TXNRD1: variants seen among roughly 807,000 people sequenced by gnomAD.
TXNRD1 encodes the protein thioredoxin reductase 1, also known as thioredoxin reductase 1, cytoplasmic.
Under a neutral mutation model 80.3 loss-of-function variants are expected in TXNRD1, and 57 were observed. The ratio of observed to expected loss-of-function variants is 0.71; its 90% CI spans 0.57 to 0.89. TXNRD1 has a LOEUF of 0.89. Among genes scored for constraint, TXNRD1 ranks in the 40% least tolerant of loss-of-function variants. The pLI, the probability that TXNRD1 is intolerant of heterozygous loss-of-function variation, is 0.00. For missense variants in TXNRD1, 730 were observed against 803.0 expected (o/e 0.91, Z 1.10); for synonymous variants, 291 against 285.2 (o/e 1.02, Z -0.20).
intron 13 of TXNRD1, among the ~76,000 whole-genome samples, chr12:104,330,249 G>A (rs866427947): frequency 1.1e-4 from 17 of 152,102 alleles, no homozygotes; most frequent in Non-Finnish European, 2.4e-4. Flanking sequence ...ACTTTGGATC[G>A]CCTCTGTGTA....
Position 104,273,390 on chromosome 12 carries a change from C to G in TXNRD1, c.304+15311C>G, listed in dbSNP as rs549801137. Among the ~76,000 whole-genome samples, 6 of 152,218 alleles carry G rather than the reference C, an allele frequency of 3.9e-5. No homozygotes were observed. The South Asian group carries it at 1.2e-3, about 32-fold the overall frequency. ...TGGGTGGATCACAAGGTCAGGAGTT[C>G]GAGACCAGCCTGGCCAACGTAGTGA... On this transcript the variant is annotated intron_variant, in intron 3 of 16. Coordinates refer to ENST00000525566, the MANE Select transcript of TXNRD1 (RefSeq NM_001093771.3).
intron 10 of TXNRD1, among the ~76,000 whole-genome samples, chr12:104,323,585 A>C (rs1161134074): frequency 2.7e-3 from 130 of 47,398 alleles, no homozygotes; most frequent in African/African-American, 3.4e-3. Flanking sequence ...GGGGGCTGAC[A>C]CCCCCACCTC....
chr12:104,305,973 G>GGCCCACTGCAACCTCT lies in TXNRD1; in HGVS notation c.415-5313_415-5298dup, dbSNP rs1222282392. ...GGCTGGGGTGCAGTGGTGCAATCTC[G>GGCCCACTGCAACCTCT]GCCCACTGCAACCTCTGCCTGCGGG... is the stretch of plus-strand genomic sequence containing the variant. On this transcript the variant is annotated intron_variant, in intron 4 of 16. Transcript: ENST00000525566. 6.6e-5 allele frequency among the ~76,000 whole-genome samples: 10 copies of GGCCCACTGCAACCTCT among 151,940 alleles called. No homozygotes were observed. The East Asian group carries it at 1.9e-3, about 29-fold the overall frequency.
At chr12:104,312,760 C>G (rs918409662) in intron 5 of TXNRD1, among the ~76,000 whole-genome samples, 10 of 152,106 alleles carry the variant, frequency 6.6e-5, no homozygotes, top group Non-Finnish European at 1.5e-5. Context: ...TCTTGTAATA[C>G]AGAAGAAAAA....
chr12:104,323,207 C>A (rs2135837706), intron 10 of TXNRD1, among the ~76,000 whole-genome samples: 1 of 139,070 alleles, frequency 7.2e-6, no homozygotes, highest in South Asian at 2.5e-4. Flanking sequence ...CTACTTCTTT[C>A]TACACAGACA....
intron 4 of TXNRD1, among the ~76,000 whole-genome samples, chr12:104,300,965 G>A (rs1593784230): frequency 1.3e-5 from 2 of 152,146 alleles, no homozygotes; most frequent in Non-Finnish European, 2.9e-5. Flanking sequence ...ATTTTTAAAG[G>A]TGGAACATAA....
chr12:104,315,951 A>G, intron 7 of TXNRD1, 55 bp downstream of exon 7: 3 of 1,556,018 alleles, frequency 1.9e-6, no homozygotes, highest in Non-Finnish European at 2.6e-6. Context: ...TTGAGCTGCA[A>G]TTTTTGTGAT....
At chr12:104,323,734 C>T (rs1389435024) in intron 10 of TXNRD1, among the ~76,000 whole-genome samples, 1 of 138,938 alleles carries the variant, frequency 7.2e-6, no homozygotes, top group Non-Finnish European at 1.6e-5. Flanking sequence ...AGGGGCTCCT[C>T]ACTTCCCAGT....
At chr12:104,300,826 A>G (rs2034597147) in intron 4 of TXNRD1, among the ~76,000 whole-genome samples, 1 of 152,146 alleles carries the variant, frequency 6.6e-6, no homozygotes, top group African/African-American at 2.4e-5. Context: ...TTCTATTTTT[A>G]GTAGAGACGT....
intron 3 of TXNRD1, among the ~76,000 whole-genome samples, chr12:104,267,699 T>TTCTCTCTC (rs1555209250): frequency 1.1e-3 from 53 of 46,442 alleles, no homozygotes; most frequent in African/African-American, 3.4e-3. Context: ...CTTTCTTTCT[T>TTCTCTCTC]TCTCTCTTTC....
chr12:104,336,932 T>A (rs1475329896), intron 15 of TXNRD1, among the ~76,000 whole-genome samples: 2 of 148,236 alleles, frequency 1.3e-5, no homozygotes, highest in Admixed American at 1.3e-4. Flanking sequence ...TACCATGCTA[T>A]TAACTATTAT....
At chr12:104,259,000 AG>A (rs1332695016) in intron 3 of TXNRD1, among the ~76,000 whole-genome samples, 1 of 152,170 alleles carries the variant, frequency 6.6e-6, no homozygotes, top group Non-Finnish European at 1.5e-5. Context: ...CTTCCAGATT[AG>A]GAAGAGGAGG....
intron 15 of TXNRD1, among the ~76,000 whole-genome samples, chr12:104,336,045 A>G (rs1054928769): frequency 2.6e-5 from 4 of 152,218 alleles, no homozygotes; most frequent in African/African-American, 7.2e-5. Context: ...GTTTATTTAT[A>G]TGAGTATACA....
rs2034348989 is a variant in TXNRD1, at chr12:104,294,238, C to CCG, written c.414+5199_414+5200insGC. Among the ~76,000 whole-genome samples the CCG allele has an allele frequency of 7.4e-5, 9 of 122,266 alleles. 2 individuals carry two copies. Among genetic ancestry groups the CCG allele is most frequent in the Non-Finnish European group, 1.4e-4 (8 of 55,754 alleles). 80.2% of individuals were successfully genotyped at this position (122,266 alleles called of 152,430 possible). On this transcript the variant is annotated intron_variant, in intron 4 of 16. Coordinates refer to ENST00000525566, the MANE Select transcript of TXNRD1 (RefSeq NM_001093771.3). Reference sequence around the variant, plus strand: ...CTAAACTCCCCCGGGGAAAGGCCCCCCCCCCCGCCGCCGGCTTTCCCGGTC... The same window carrying CCG: ...CTAAACTCCCCCGGGGAAAGGCCCCCCGCCCCCCGCCGCCGGCTTTCCCGGTC...
rs566242398 is a variant in TXNRD1 at position 104,315,642 on chromosome 12, A to G, written c.611-135A>G. The G allele has an allele frequency of 3.0e-6, 3 of 990,248 alleles. No individual in the cohort carries two copies. The African/African-American group carries it at 5.0e-5, about 16-fold the overall frequency. 61.3% of individuals were successfully genotyped at this position (990,248 alleles called of 1,614,324 possible). On this transcript the variant is annotated intron_variant, in intron 6 of 16. Coordinates refer to ENST00000525566, the MANE Select transcript of TXNRD1 (RefSeq NM_001093771.3). ...TATGGATGTTGTAAGAGTTAGGAAT[A>G]AACTTTATTACTGACCACATTAAGC...
At chr12:104,265,665 C>T in intron 3 of TXNRD1, 1 of 1,605,762 alleles carries the variant, frequency 6.2e-7, no homozygotes, top group Admixed American at 1.7e-5. Context: ...GGCACCGCGC[C>T]CGAGCCCACT....
chr12:104,257,583 A>G (rs2033285650), intron 2 of TXNRD1, among the ~76,000 whole-genome samples: 2 of 151,856 alleles, frequency 1.3e-5, no homozygotes, highest in South Asian at 4.2e-4. Context: ...ATTTTTTTGT[A>G]TATTTAATAG....
rs68031758 is a variant in TXNRD1, at chr12:104,317,365, C to CTT, written c.730+1489_730+1490dup. Among the ~76,000 whole-genome samples, 109 of 116,294 alleles carry CTT rather than the reference C, an allele frequency of 9.4e-4. 1 individual carries two copies. Among genetic ancestry groups the CTT allele is most frequent in the African/African-American group, 2.1e-3 (65 of 30,798 alleles). 76.3% of individuals were successfully genotyped at this position (116,294 alleles called of 152,430 possible). ...ATAACCGCAGTGGCATCTGCAGTTA[C>CTT]TTTTTTTTTTTTTTTTTTTTTCAGT... On this transcript the variant is annotated intron_variant, in intron 7 of 16. Coordinates refer to ENST00000525566, the MANE Select transcript of TXNRD1 (RefSeq NM_001093771.3).
rs34678316 is a variant in TXNRD1 at position 104,336,428 on chromosome 12, T to TGTA, written c.1746+2098_1746+2100dup. On this transcript the variant is annotated intron_variant, in intron 15 of 16. Coordinates refer to ENST00000525566, the MANE Select transcript of TXNRD1 (RefSeq NM_001093771.3). ...TCATGAGTAATCTGAGGTAAAAGCT[T>TGTA]GTAGAACTTCACTATCCCTGGGGCG... is the stretch of plus-strand genomic sequence containing the variant. 6.0e-3 allele frequency among the ~76,000 whole-genome samples: 921 copies of TGTA among 152,344 alleles called. 8 individuals carry two copies. The highest frequency in any genetic ancestry group is 0.021 in the African/African-American group (878 of 41,580).
Sources: gnomAD v4.1 joint callset for allele counts (sites outside exome capture counted in the v4.1 genomes callset) on GRCh38, gnomAD v4.1.1 for gene constraint, MANE v1.5 for transcripts, NCBI Gene and HGNC (gene_info 2026-07-23, HGNC 2026-07-21) for gene names.